The following RNF2 variants were observed in gnomAD, a reference collection of about 807,000 sequenced individuals.
RNF2 encodes the protein ring finger protein 2.
Under a neutral mutation model 37.2 loss-of-function variants are expected in RNF2, and 6 were observed. The ratio of observed to expected loss-of-function variants is 0.16; its 90% CI spans 0.09 to 0.32. RNF2 has a LOEUF of 0.32. RNF2 is among the 10% of genes least tolerant of loss of function. The probability of loss-of-function intolerance (pLI) is 1.00; values close to 1 mark genes in which losing one functional copy is unlikely to be tolerated. For missense variants in RNF2, 251 were observed against 404.0 expected (o/e 0.62, Z 3.25); for synonymous variants, 133 against 132.7 (o/e 1.00, Z -0.02).
Position 185,099,890 on chromosome 1 carries a change from C to G in RNF2, c.837C>G (p.Asn279Lys), listed in dbSNP as rs1298847435. The G allele has an allele frequency of 6.2e-7, 1 of 1,614,062 alleles. No homozygotes were observed. The highest frequency in any genetic ancestry group is 8.5e-7 in the Non-Finnish European group (1 of 1,179,954). Reference sequence around the variant, plus strand: ...AACTTCGAAGCAAAGGTGAATCAAACCAGATGAACCTTGATACAGCCAGTG... The same window carrying G: ...AACTTCGAAGCAAAGGTGAATCAAAGCAGATGAACCTTGATACAGCCAGTG... The part of the protein sequence containing the change: ...LEELRSKGES[N>K]QMNLDTASEK... The change falls in exon 6 of 7, where the codon AAC becomes AAG. Residue 279 changes from asparagine to lysine, a missense_variant. By Grantham distance (94) the Asn-to-Lys change is moderately conservative. This residue lies in a region of RNF2 where 59 missense variants were observed against 69.1 expected (regional missense o/e 0.85). Coordinates refer to ENST00000367510, the MANE Select transcript of RNF2 (RefSeq NM_007212.4).
intron 1 of RNF2, among the ~76,000 whole-genome samples, chr1:185,054,379 C>G (rs988100852): frequency 6.6e-6 from 1 of 152,120 alleles, no homozygotes; most frequent in East Asian, 1.9e-4. Flanking sequence ...AGAAGCGACT[C>G]CGGAGAGGAC....
At chr1:185,092,853 C>T (rs1010586806) in intron 3 of RNF2, among the ~76,000 whole-genome samples, 5 of 151,892 alleles carry the variant, frequency 3.3e-5, no homozygotes, top group African/African-American at 7.3e-5. Flanking sequence ...TTTCTTTCGA[C>T]GAGTGGTATA....
intron 1 of RNF2, among the ~76,000 whole-genome samples, chr1:185,086,191 T>C (rs1651595825): frequency 1.3e-5 from 2 of 152,230 alleles, no homozygotes; most frequent in Admixed American, 1.3e-4. Flanking sequence ...CCATATATTT[T>C]TGTCTGTACT....
chr1:185,092,181 T>C (rs888542628), intron 3 of RNF2, among the ~76,000 whole-genome samples: 1 of 150,882 alleles, frequency 6.6e-6, no homozygotes, highest in Non-Finnish European at 1.5e-5. Context: ...CTTTCCCCTT[T>C]CCTTTCCTTT....
intron 2 of RNF2, 77 bp from the exon 3 acceptor site, chr1:185,091,502 C>T (rs1651764305): frequency 4.3e-6 from 6 of 1,406,846 alleles, no homozygotes; most frequent in Non-Finnish European, 5.9e-6. Flanking sequence ...TTTACCATTT[C>T]CAGTACTTTT....
intron 2 of RNF2, among the ~76,000 whole-genome samples, chr1:185,089,953 G>A (rs764998136): frequency 1.3e-5 from 2 of 151,814 alleles, no homozygotes; most frequent in African/African-American, 4.8e-5. Context: ...ACAGAGTATC[G>A]CTCTGTCACC....
rs568760346 is a variant in RNF2 at position 185,066,302 on chromosome 1, C to T, written c.-3+20653C>T. 8.5e-5 allele frequency among the ~76,000 whole-genome samples: 13 copies of T among 152,286 alleles called. No individual in the cohort carries two copies. In the East Asian group the frequency reaches 2.1e-3, roughly 25 times the overall value. The stretch of plus-strand genomic sequence containing the variant: ...TCACCCTGTGCTGAGGCTGTACTCC[C>T]CACCTTCTTTTCCACTCATTTAATA... On this transcript the variant is annotated intron_variant, in intron 1 of 6. Transcript: ENST00000367510.
In RNF2 at chr1:185,098,295, T is replaced by C. The variant is rs1329198402; in HGVS notation, c.688T>C (p.Phe230Leu). ...MDGASEIELV[F>L]RPHPTLMEKD... is the part of the protein sequence containing the mutation. ...TGGTGCTAGTGAAATTGAATTAGTA[T>C]TCAGGCCTCATCCCACACTTATGGA... Residue 230 changes from phenylalanine to leucine, a missense_variant, in exon 5 of 7, where the codon TTC (phenylalanine) becomes CTC (leucine). Around this residue, in one of 7 missense-constraint regions of RNF2, gnomAD observed 94 missense variants for 99.2 expected, o/e 0.95. Transcript: ENST00000367510. 2 of 1,614,172 alleles carry C rather than the reference T, an allele frequency of 1.2e-6. No homozygotes were observed. The highest frequency in any genetic ancestry group is 1.7e-6 in the Non-Finnish European group (2 of 1,180,014).
At chr1:185,078,346 T>G (rs552563606) in intron 1 of RNF2, among the ~76,000 whole-genome samples, 2 of 152,204 alleles carry the variant, frequency 1.3e-5, no homozygotes, top group Non-Finnish European at 2.9e-5. Flanking sequence ...TTATGAAGAT[T>G]ACCATCTTGG....
At chr1:185,093,990 T>TAGA (rs1651841840) in intron 4 of RNF2, among the ~76,000 whole-genome samples, 2 of 152,166 alleles carry the variant, frequency 1.3e-5, no homozygotes, top group South Asian at 4.1e-4. Flanking sequence ...TTTAGACATT[T>TAGA]CTCCATATGG....
chr1:185,080,793 G>T (rs906290252), intron 1 of RNF2, among the ~76,000 whole-genome samples: 7 of 152,148 alleles, frequency 4.6e-5, no homozygotes, highest in Admixed American at 3.3e-4. Flanking sequence ...GATATAATTT[G>T]GTTATGTGCA....
rs776888414 is a variant in RNF2, at chr1:185,098,051, C to T, written c.465-21C>T. On this transcript the variant is annotated intron_variant, in intron 4 of 6. Transcript: ENST00000367510. The stretch of plus-strand genomic sequence containing the variant: ...AGGCCTAAAAGTAAATTTTATGCAT[C>T]CTTTTTTCCCCCTTGACTAGACTGC... 22 of 1,606,004 alleles carry T rather than the reference C, an allele frequency of 1.4e-5. No homozygotes were observed. The Middle Eastern group carries it at 8.3e-4, about 61-fold the overall frequency.
chr1:185,060,549 A>G (rs907084974), intron 1 of RNF2, among the ~76,000 whole-genome samples: 1 of 152,214 alleles, frequency 6.6e-6, no homozygotes, highest in Non-Finnish European at 1.5e-5. Flanking sequence ...TCGGAGAATT[A>G]AAGGTAGTCC....
At chr1:185,071,113 G>C (rs1006402283) in intron 1 of RNF2, among the ~76,000 whole-genome samples, 4 of 152,232 alleles carry the variant, frequency 2.6e-5, no homozygotes, top group African/African-American at 9.6e-5. Flanking sequence ...GAGGCAAATG[G>C]TTACATTCTT....
At chr1:185,049,203 C>A (rs1461567155) in intron 1 of RNF2, among the ~76,000 whole-genome samples, 1 of 151,946 alleles carries the variant, frequency 6.6e-6, no homozygotes, top group Non-Finnish European at 1.5e-5. Context: ...GGTGACGGAG[C>A]GAGACTCTGC....
chr1:185,046,087 C>T (rs999394989), intron 1 of RNF2: 2 of 151,318 alleles, frequency 1.3e-5, no homozygotes, highest in African/African-American at 4.9e-5. Flanking sequence ...GCTTTCGCCT[C>T]GCAGCTAGGG....
chr1:185,062,820 C>A (rs28690032), intron 1 of RNF2, among the ~76,000 whole-genome samples: 69,339 of 148,240 alleles, frequency 0.47, 17,673 homozygotes, highest in East Asian at 0.71. Flanking sequence ...TCCCCCCCCC[C>A]AAAAAAAGGC....
chr1:185,054,185 A>G (rs996021569), intron 1 of RNF2, among the ~76,000 whole-genome samples: 34 of 152,364 alleles, frequency 2.2e-4, no homozygotes, highest in African/African-American at 7.9e-4. Flanking sequence ...CACTCCTGGT[A>G]GAGCTGCTAG....
chr1:185,072,642 G>C (rs1651012478), intron 1 of RNF2, among the ~76,000 whole-genome samples: 1 of 152,080 alleles, frequency 6.6e-6, no homozygotes, highest in Non-Finnish European at 1.5e-5. Context: ...TGAAGAGAAA[G>C]ATGGCAGATG....
Sources: gnomAD v4.1 joint callset for allele counts (sites outside exome capture counted in the v4.1 genomes callset) on GRCh38, gnomAD v4.1.1 for gene constraint, gnomAD v4.1.1 regional missense constraint, MANE v1.5 for transcripts, NCBI Gene and HGNC (gene_info 2026-07-23, HGNC 2026-07-21) for gene names.